The following ABCC8 variants were observed in gnomAD, a reference collection of about 807,000 sequenced individuals.
The protein encoded by ABCC8 is ATP binding cassette subfamily C member 8.
A neutral mutation model predicts 188.0 loss-of-function variants in ABCC8; 137 were observed. That is an observed-to-expected ratio of 0.73 (90% CI 0.63 to 0.84). The LOEUF (loss-of-function observed/expected upper bound fraction) is 0.84. ABCC8 is among the 40% of genes least tolerant of loss of function. The pLI is 0.00. For missense variants in ABCC8, 1,750 were observed against 2,072.7 expected (o/e 0.84, Z 3.02); for synonymous variants, 797 against 846.5 (o/e 0.94, Z 1.01).
rs779525928 is a variant in ABCC8, at chr11:17,406,793, A to T, written c.3163-5T>A. The stretch of plus-strand genomic sequence containing the variant: ...AGTCTGGTCGAGGGTGCACTCCTTC[A>T]CAGGCAGAGAGTGATTTGGAGTTCC... On this transcript the variant is annotated splice_region_variant and splice_polypyrimidine_tract_variant and intron_variant, in intron 25 of 38. Transcript: ENST00000389817. The T allele has an allele frequency of 5.6e-6, 9 of 1,614,210 alleles. No individual in the cohort carries two copies. Among genetic ancestry groups the T allele is most frequent in the Non-Finnish European group, 6.8e-6 (8 of 1,180,046 alleles).
chr11:17,421,411 C>A (rs1262243146), intron 16 of ABCC8, among the ~76,000 whole-genome samples: 2 of 152,164 alleles, frequency 1.3e-5, no homozygotes, highest in African/African-American at 4.8e-5. Flanking sequence ...TGTCAAGATG[C>A]ATTATAATGG....
chr11:17,399,519 G>C (rs560986237), intron 29 of ABCC8, among the ~76,000 whole-genome samples: 26 of 152,126 alleles, frequency 1.7e-4, no homozygotes, highest in Non-Finnish European at 2.2e-4. Flanking sequence ...TCTTCATAAG[G>C]CTGGCTCAAC....
chr11:17,464,331 G>T (rs949090994), intron 3 of ABCC8, among the ~76,000 whole-genome samples: 1 of 152,220 alleles, frequency 6.6e-6, no homozygotes, highest in South Asian at 2.1e-4. Context: ...GATGGAGCAG[G>T]GGCATGGGGG....
chr11:17,442,739 G>A lies in ABCC8; in HGVS notation c.1611C>T (p.Ala537=), dbSNP rs763965341. The change falls in exon 10 of 39, where the codon GCC becomes GCT. Residue 537 remains alanine, a synonymous_variant. Transcript: ENST00000389817. ...ACTCACTGGAGATGGAGGTATAGAT[G>A]GCAAAGGCCCTGAGGCTGGTCATCT... ...RKEMTSLRAF[A]IYTSISIFMN... 6.2e-7 allele frequency: 1 copy of A among 1,613,784 alleles called. No homozygotes were observed. The highest frequency in any genetic ancestry group is 8.5e-7 in the Non-Finnish European group (1 of 1,180,034).
rs918212629 is a variant in ABCC8 at position 17,424,522 on chromosome 11, A to G, written c.2222+2527T>C. ...TGCCAATCATGCCTGCTTCATCTAC[A>G]TAGGACAAGGAGAGCTCCTGAGGCA... On this transcript the variant is annotated intron_variant, in intron 16 of 38. Transcript: ENST00000389817. 1.5e-4 allele frequency among the ~76,000 whole-genome samples: 23 copies of G among 151,900 alleles called. No individual in the cohort carries two copies. In the South Asian group the frequency reaches 2.1e-3, roughly 14 times the overall value.
At position 17,460,662 on chromosome 11, in the gene ABCC8, C is replaced by G. The variant is rs1309275617; in HGVS notation, c.837G>C (p.Gln279His). The change falls in exon 6 of 39, where the codon CAG becomes CAC. Residue 279 changes from glutamine (Q) to histidine (H), a missense_variant. Coordinates refer to ENST00000389817, the MANE Select transcript of ABCC8 (RefSeq NM_000352.6). Reference sequence around the variant, plus strand: ...AGATGGCCCGGGCACCTTGAGTGCCCTGAATGTCCTTCCGCTGCCCAGAGA... The same window carrying G: ...AGATGGCCCGGGCACCTTGAGTGCCGTGAATGTCCTTCCGCTGCCCAGAGA... ...AFDAQVRKDIQGTQGARAIWQ... is the reference protein window; with the variant it reads ...AFDAQVRKDIHGTQGARAIWQ... 5 of 1,609,666 alleles carry G rather than the reference C, an allele frequency of 3.1e-6. No homozygotes were observed. Among genetic ancestry groups the G allele is most frequent in the Non-Finnish European group, 4.2e-6 (5 of 1,179,994 alleles).
intron 33 of ABCC8, 30 bp downstream of exon 33, chr11:17,396,886 T>A: frequency 6.2e-7 from 1 of 1,612,492 alleles, no homozygotes; most frequent in Middle Eastern, 1.7e-4. Flanking sequence ...ACGCCTGTCC[T>A]GCAGCATTGG....
rs554197036 is a variant in ABCC8, at chr11:17,468,630, T to C, written c.412+1471A>G. Reference sequence around the variant, plus strand: ...GAAAATAATAATGGTACCTACCTCATAGAGTTGTTGCAAGGATTAAATGAA... The same window carrying C: ...GAAAATAATAATGGTACCTACCTCACAGAGTTGTTGCAAGGATTAAATGAA... On this transcript the variant is annotated intron_variant, in intron 3 of 38. Transcript: ENST00000389817. Among the ~76,000 whole-genome samples, 100 of 152,318 alleles carry C rather than the reference T, an allele frequency of 6.6e-4. 1 individual carries two copies. In the South Asian group the frequency reaches 0.018, roughly 27 times the overall value.
rs753602926 is a variant in ABCC8, at chr11:17,427,886, G to A, written c.2097C>T (p.Ile699=). Residue 699 remains isoleucine, a synonymous_variant, in exon 15 of 39, where the codon ATC becomes ATT. Coordinates refer to ENST00000389817, the MANE Select transcript of ABCC8 (RefSeq NM_000352.6). This position sits in a 1 kb window ranked among gnomAD's most constrained non-coding sequence, Gnocchi z 5.0. ...TPDGIPTLSN[I]TIRIPRGQLT... Reference sequence around the variant, plus strand: ...CCATACCTCGGGGGATACGAATGGTGATGTTGGACAGTGTGGGGATTCCAT... The same window carrying A: ...CCATACCTCGGGGGATACGAATGGTAATGTTGGACAGTGTGGGGATTCCAT... 1 of 1,614,122 alleles carries A rather than the reference G, an allele frequency of 6.2e-7. No individual in the cohort carries two copies. The highest frequency in any genetic ancestry group is 1.1e-5 in the South Asian group (1 of 91,044).
chr11:17,450,323 T>TTTC (rs1591853114), intron 7 of ABCC8, among the ~76,000 whole-genome samples: 1 of 119,336 alleles, frequency 8.4e-6, no homozygotes, highest in East Asian at 2.1e-4. Context: ...TCTTTCTTTC[T>TTTC]TTCTCTCTCT....
At chr11:17,442,681 G>A (rs552636926) in intron 10 of ABCC8, 39 bp downstream of exon 10, 62 of 1,600,344 alleles carry the variant, frequency 3.9e-5, no homozygotes, top group South Asian at 2.9e-4. Flanking sequence ...TTGCATGTAC[G>A]CAGCAGCACC....
intron 14 of ABCC8, 138 bp from the exon 15 acceptor site, chr11:17,428,080 G>T: frequency 6.3e-7 from 1 of 1,586,488 alleles, no homozygotes; most frequent in Non-Finnish European, 8.6e-7. Context: ...GAGCAGGGGA[G>T]TGGGAGACTG....
In ABCC8 at chr11:17,428,105, A is replaced by C. The variant is rs558007684; in HGVS notation, c.2041-163T>G. 92 of 1,573,186 alleles carry C rather than the reference A, an allele frequency of 5.8e-5. 1 individual carries two copies. In the Admixed American group the frequency reaches 1.5e-3, roughly 26 times the overall value. On this transcript the variant is annotated intron_variant, in intron 14 of 38. Transcript: ENST00000389817. ...GTGGGAGACTGGCCTTCTCATGCTG[A>C]CCCTTGCCTAAGGCTGGGGGTCCCC...
intron 11 of ABCC8, among the ~76,000 whole-genome samples, chr11:17,431,437 A>T (rs1409997270): frequency 1.3e-5 from 2 of 152,224 alleles, no homozygotes. Flanking sequence ...AATACATCAC[A>T]TTGGAAGTGA....
chr11:17,423,085 G>A (rs1033223215), intron 16 of ABCC8, among the ~76,000 whole-genome samples: 8 of 152,156 alleles, frequency 5.3e-5, no homozygotes, highest in African/African-American at 1.9e-4. Context: ...CCGGCCAGGG[G>A]TGGTGGCTCA....
At chr11:17,471,507 G>A (rs73429049) in intron 2 of ABCC8, among the ~76,000 whole-genome samples, 2,120 of 152,338 alleles carry the variant, frequency 0.014, 51 homozygotes, top group African/African-American at 0.049. Flanking sequence ...GAGGACCACA[G>A]GTTTGCTCCA....
intron 37 of ABCC8, 175 bp from the exon 38 acceptor site, chr11:17,393,934 C>G (rs1953765980): frequency 2.4e-6 from 2 of 823,182 alleles, no homozygotes; most frequent in South Asian, 1.1e-4. Context: ...TGGACTCAGC[C>G]TGTTGGGAGC....
At chr11:17,428,047 T>C in intron 14 of ABCC8, 105 bp from the exon 15 acceptor site, 1 of 1,586,062 alleles carries the variant, frequency 6.3e-7, no homozygotes, top group Non-Finnish European at 8.6e-7. Flanking sequence ...AAGACACTGA[T>C]TCCAGCCCCT....
At chr11:17,402,616 C>A (rs1458882899) in intron 29 of ABCC8, 45 bp downstream of exon 29, 5 of 1,614,176 alleles carry the variant, frequency 3.1e-6, no homozygotes, top group Non-Finnish European at 4.2e-6. Context: ...GCCCCCTGGC[C>A]CCACCCCTGT....
Sources: allele counts gnomAD v4.1 joint callset (sites outside exome capture counted in the v4.1 genomes callset), GRCh38; gene constraint gnomAD v4.1.1; non-coding constraint Gnocchi (gnomAD v3.1); transcripts MANE v1.5; gene names NCBI Gene and HGNC (gene_info 2026-07-23, HGNC 2026-07-21).